DSCAM: variants seen among roughly 807,000 people sequenced by gnomAD.
The protein encoded by DSCAM is cell adhesion molecule DSCAM.
Under a neutral mutation model 217.7 loss-of-function variants are expected in DSCAM, and 47 were observed. The observed-to-expected ratio is 0.22, with a 90% confidence interval of 0.17 to 0.28. The LOEUF is 0.28. Among genes scored for constraint, DSCAM ranks in the 10% least tolerant of loss-of-function variants. The pLI, the probability that DSCAM is intolerant of heterozygous loss-of-function variation, is 1.00. For synonymous variants in DSCAM, 1,056 were observed against 1,015.3 expected (o/e 1.04, Z -0.76); for missense variants, 2,080 against 2,618.3 (o/e 0.79, Z 4.49).
In DSCAM at chr21:40,841,193, T is replaced by A. The variant is rs2092098233; in HGVS notation, c.43+5426A>T. ...TTGTGAAACCCAACCCTTCTGAACG[T>A]CCTGGTCAGAAGCTGTCTGACCTCT... On this transcript the variant is annotated intron_variant, in intron 1 of 32. Coordinates refer to ENST00000400454, the MANE Select transcript of DSCAM (RefSeq NM_001389.5). Among the ~76,000 whole-genome samples the A allele has an allele frequency of 2.0e-5, 3 of 152,138 alleles. No individual in the cohort carries two copies. In the South Asian group the frequency reaches 6.2e-4, roughly 32 times the overall value.
chr21:40,087,828 C>A (rs2089552433), intron 21 of DSCAM, among the ~76,000 whole-genome samples: 1 of 152,124 alleles, frequency 6.6e-6, no homozygotes, highest in Non-Finnish European at 1.5e-5. Context: ...GAAGAACAAC[C>A]ATTTGCTTGG....
intron 3 of DSCAM, among the ~76,000 whole-genome samples, chr21:40,558,289 T>TA: frequency 6.6e-6 from 1 of 150,410 alleles, no homozygotes; most frequent in African/African-American, 2.4e-5. Flanking sequence ...TACTAAAAAA[T>TA]ACAAAAAAAT....
intron 3 of DSCAM, among the ~76,000 whole-genome samples, chr21:40,629,135 T>C (rs2089652962): frequency 1.3e-5 from 2 of 151,496 alleles, no homozygotes; most frequent in African/African-American, 4.9e-5. Context: ...ACTTACTCTA[T>C]GGCAAGCACT....
chr21:40,638,625 G>A (rs1217902945), intron 3 of DSCAM, among the ~76,000 whole-genome samples: 1 of 152,170 alleles, frequency 6.6e-6, no homozygotes, highest in Admixed American at 6.5e-5. Flanking sequence ...AGCACGGCGA[G>A]GCTGGGGCTG....
At chr21:40,091,025 A>G (rs2089602214) in intron 21 of DSCAM, among the ~76,000 whole-genome samples, 1 of 152,124 alleles carries the variant, frequency 6.6e-6, no homozygotes, top group Admixed American at 6.6e-5. Flanking sequence ...TCTGCAGTCC[A>G]TTCAGGACAG....
chr21:40,629,063 TATGTGTGTGTGTG>T (rs2089646655), intron 3 of DSCAM, among the ~76,000 whole-genome samples: 1 of 140,246 alleles, frequency 7.1e-6, no homozygotes, highest in African/African-American at 2.7e-5. Flanking sequence ...GTGTGTGTAG[TATGTGTGTGTGTG>T]GTGTGTGTGT....
intron 3 of DSCAM, among the ~76,000 whole-genome samples, chr21:40,692,416 T>C (rs1190332335): frequency 1.3e-5 from 2 of 152,234 alleles, no homozygotes; most frequent in Non-Finnish European, 2.9e-5. Context: ...CAAAAGGTCA[T>C]GAAAACAGGG....
chr21:40,297,127 A>C (rs552473094), intron 9 of DSCAM, among the ~76,000 whole-genome samples: 53 of 152,284 alleles, frequency 3.5e-4, no homozygotes, highest in African/African-American at 1.2e-3. Flanking sequence ...GTGAAGTACC[A>C]TAAAGGTTTT....
chr21:40,501,876 G>A (rs980736259), intron 3 of DSCAM, among the ~76,000 whole-genome samples: 8 of 152,244 alleles, frequency 5.3e-5, no homozygotes, highest in Non-Finnish European at 4.4e-5. Context: ...TTATAGGCGT[G>A]AGCCACAGCG....
At chr21:40,649,600 A>C (rs933765574) in intron 3 of DSCAM, among the ~76,000 whole-genome samples, 5 of 152,146 alleles carry the variant, frequency 3.3e-5, no homozygotes, top group African/African-American at 1.2e-4. Flanking sequence ...CCTGGCAATG[A>C]GAACAGTGAC....
chr21:40,704,441 C>T (rs1293139372), intron 2 of DSCAM, among the ~76,000 whole-genome samples: 4 of 152,106 alleles, frequency 2.6e-5, no homozygotes, highest in Non-Finnish European at 5.9e-5. Context: ...GTAGCTGGGC[C>T]CTGTGGCTCA....
At chr21:40,560,672 C>CA (rs1259040936) in intron 3 of DSCAM, among the ~76,000 whole-genome samples, 1 of 152,220 alleles carries the variant, frequency 6.6e-6, no homozygotes, top group Non-Finnish European at 1.5e-5. Context: ...TCAGAACACT[C>CA]ACATTAGCCT....
chr21:40,546,031 A>G (rs2076579769), intron 3 of DSCAM, among the ~76,000 whole-genome samples: 1 of 152,230 alleles, frequency 6.6e-6, no homozygotes, highest in Non-Finnish European at 1.5e-5. Flanking sequence ...CGTAATACTT[A>G]AATGATGTGA....
intron 3 of DSCAM, among the ~76,000 whole-genome samples, chr21:40,481,401 A>T (rs2145987997): frequency 6.6e-6 from 1 of 151,914 alleles, no homozygotes; most frequent in East Asian, 1.9e-4. Flanking sequence ...GAGGGAGGAG[A>T]ATGGCATGAA....
intron 1 of DSCAM, among the ~76,000 whole-genome samples, chr21:40,729,637 T>C (rs1210256174): frequency 2.0e-5 from 3 of 152,194 alleles, no homozygotes; most frequent in African/African-American, 7.2e-5. Flanking sequence ...ATGTCTTTGG[T>C]TATAACATTT....
Position 40,678,565 on chromosome 21 carries a change from T to C in DSCAM, c.508+14245A>G, listed in dbSNP as rs1402624356. On this transcript the variant is annotated intron_variant, in intron 3 of 32. Transcript: ENST00000400454. ...TCTGATTGGCTCAGCAGCTGTCATT[T>C]TTGCCATCCCTTTCCCCCATGTAAC... is the stretch of plus-strand genomic sequence containing the variant. Among the ~76,000 whole-genome samples, 3 of 152,298 alleles carry C rather than the reference T, an allele frequency of 2.0e-5. No homozygotes were observed. In the East Asian group the frequency reaches 5.8e-4, roughly 29 times the overall value.
chr21:40,161,928 T>C (rs552696180), intron 16 of DSCAM, among the ~76,000 whole-genome samples: 1 of 152,230 alleles, frequency 6.6e-6, no homozygotes, highest in Non-Finnish European at 1.5e-5. Flanking sequence ...CTACTCACTA[T>C]GAAAGTTACT....
chr21:40,473,842 T>C (rs62225478), intron 3 of DSCAM, among the ~76,000 whole-genome samples: 34,652 of 151,926 alleles, frequency 0.23, 5,168 homozygotes, highest in African/African-American at 0.42. Flanking sequence ...AGAGAGGAGG[T>C]GCCATCTACA....
At chr21:40,217,805 T>G (rs1360321328) in intron 11 of DSCAM, among the ~76,000 whole-genome samples, 2 of 152,230 alleles carry the variant, frequency 1.3e-5, no homozygotes, top group African/African-American at 2.4e-5. Flanking sequence ...GCCACATATA[T>G]GTCTTCTTTT....
Sources: allele counts gnomAD v4.1 joint callset (sites outside exome capture counted in the v4.1 genomes callset), GRCh38; gene constraint gnomAD v4.1.1; transcripts MANE v1.5; gene names NCBI Gene and HGNC (gene_info 2026-07-23, HGNC 2026-07-21).